Variants in PHF21A observed in about 807,000 individuals in gnomAD.
PHF21A encodes the protein PHD finger protein 21A, also known as BHC80a.
In PHF21A, 11 loss-of-function variants were observed where a neutral mutation model predicts 82.5. The ratio of observed to expected loss-of-function variants is 0.13; its 90% CI spans 0.08 to 0.22. PHF21A has a LOEUF of 0.22. PHF21A is among the 10% of genes least tolerant of loss of function. The pLI is 1.00. For synonymous variants in PHF21A, 297 were observed against 302.8 expected, an observed-to-expected ratio of 0.98 and a Z score of 0.20; for missense variants, 579 against 837.8, an observed-to-expected ratio of 0.69 and a Z score of 3.81.
chr11:45,948,669 G>A (rs2091661537), intron 14 of PHF21A, among the ~76,000 whole-genome samples: 1 of 152,212 alleles, frequency 6.6e-6, no homozygotes, highest in African/African-American at 2.4e-5. Flanking sequence ...AGTCAGCTTT[G>A]CCAGAATCCT....
intron 6 of PHF21A, among the ~76,000 whole-genome samples, chr11:45,991,239 T>C (rs1245057413): frequency 6.6e-6 from 1 of 152,008 alleles, no homozygotes; most frequent in African/African-American, 2.4e-5. Flanking sequence ...CTCAATAATA[T>C]TGCATTGTCT....
In PHF21A at chr11:46,084,298, TG is replaced by T; in HGVS notation, c.-80del. ...TAAAGTAACAAACTCCTCTTCTCAC[TG>T]CAGCTGTAAAGATCATAAAATGTTT... On this transcript the variant is annotated 5_prime_UTR_variant, in exon 4 of 19. It removes the in-frame stop codon of an upstream open reading frame in the 5' UTR. Transcript: ENST00000676320. 2.0e-6 allele frequency: 2 copies of T among 976,896 alleles called. No individual in the cohort carries two copies. The highest frequency in any genetic ancestry group is 2.7e-5 in the East Asian group (1 of 37,312). 60.5% of individuals were successfully genotyped at this position (976,896 alleles called of 1,614,324 possible).
intron 6 of PHF21A, among the ~76,000 whole-genome samples, chr11:45,997,388 T>C (rs766479863): frequency 9.9e-5 from 15 of 152,114 alleles, no homozygotes; most frequent in Non-Finnish European, 1.8e-4. Flanking sequence ...AATCCAAATA[T>C]AAAGGACATC....
intron 6 of PHF21A, among the ~76,000 whole-genome samples, chr11:46,000,868 C>T (rs1480319372): frequency 1.3e-5 from 2 of 151,940 alleles, no homozygotes; most frequent in Non-Finnish European, 2.9e-5. Context: ...TGCAGTGAGC[C>T]AAGATCGCAC....
chr11:46,112,375 C>A (rs897305980), intron 1 of PHF21A, among the ~76,000 whole-genome samples: 2 of 152,156 alleles, frequency 1.3e-5, no homozygotes, highest in Admixed American at 6.5e-5. Context: ...GCTGCTGCTG[C>A]TAATTCTAAA....
At chr11:46,075,743 C>T (rs2096717558) in intron 6 of PHF21A, among the ~76,000 whole-genome samples, 1 of 152,192 alleles carries the variant, frequency 6.6e-6, no homozygotes, top group Non-Finnish European at 1.5e-5. Context: ...TGATTCATAT[C>T]TCTTCCACAT....
rs2087766947 is a variant in PHF21A, at chr11:45,932,604, AG to A, written c.*1363del. 6.5e-6 allele frequency: 1 copy of A among 152,678 alleles called. No individual in the cohort carries two copies. Among genetic ancestry groups the A allele is most frequent in the Non-Finnish European group, 1.5e-5 (1 of 68,042 alleles). 9.5% of individuals were successfully genotyped at this position (152,678 alleles called of 1,614,324 possible). A position where few individuals can be genotyped will look rare whatever the true frequency, so the allele number is the denominator to read the frequency against. ...CTTTTTAATAGAAATCACTGTTTTT[AG>A]GAAACAAATAGCACTTTTGTAATTT... On this transcript the variant is annotated 3_prime_UTR_variant, in exon 19 of 19. Coordinates refer to ENST00000676320, the MANE Select transcript of PHF21A (RefSeq NM_001352027.3). The surrounding 1 kb of genome is among the most constrained non-coding windows in gnomAD (Gnocchi z 4.3).
intron 1 of PHF21A, among the ~76,000 whole-genome samples, chr11:46,103,355 T>G (rs1053022787): frequency 3.3e-5 from 5 of 152,240 alleles, no homozygotes; most frequent in Non-Finnish European, 7.3e-5. Context: ...AAAACTATAA[T>G]GCTTTACCTA....
chr11:45,943,377 G>A (rs913381850), intron 15 of PHF21A, among the ~76,000 whole-genome samples: 7 of 151,904 alleles, frequency 4.6e-5, no homozygotes, highest in African/African-American at 1.7e-4. Context: ...CAGGGGTCTT[G>A]CCATGTTGTC....
chr11:46,069,639 T>C (rs1002680391), intron 6 of PHF21A, among the ~76,000 whole-genome samples: 1 of 152,208 alleles, frequency 6.6e-6, no homozygotes, highest in Non-Finnish European at 1.5e-5. Context: ...AAATATTTGA[T>C]AGATAAAGGT....
At position 46,084,302 on chromosome 11, in the gene PHF21A, G is replaced by A; in HGVS notation, c.-83C>T. 1.1e-6 allele frequency: 1 copy of A among 917,252 alleles called. No homozygotes were observed. The allele number at this position is 917,252 out of a possible 1,614,324, so 56.8% of individuals were successfully genotyped here. ...GTAACAAACTCCTCTTCTCACTGCA[G>A]CTGTAAAGATCATAAAATGTTTTGG... On this transcript the variant is annotated splice_region_variant and 5_prime_UTR_variant, in exon 4 of 19. Coordinates refer to ENST00000676320, the MANE Select transcript of PHF21A (RefSeq NM_001352027.3).
At chr11:45,993,833 AGGCTCG>A (rs2094804803) in intron 6 of PHF21A, among the ~76,000 whole-genome samples, 1 of 151,854 alleles carries the variant, frequency 6.6e-6, no homozygotes, top group Admixed American at 6.6e-5. Flanking sequence ...GTCAGAGATG[AGGCTCG>A]GGCAGCTGGC....
chr11:45,968,101 T>G (rs1336353475), intron 9 of PHF21A, among the ~76,000 whole-genome samples: 2 of 152,220 alleles, frequency 1.3e-5, no homozygotes, highest in Admixed American at 6.5e-5. Flanking sequence ...ATACTCCATG[T>G]AAAGTGCCTA....
chr11:46,021,299 C>T (rs999031780), intron 6 of PHF21A, among the ~76,000 whole-genome samples: 3 of 152,058 alleles, frequency 2.0e-5, no homozygotes, highest in African/African-American at 7.2e-5. Context: ...TGGTCTCAAG[C>T]GATCCTCCTG....
chr11:45,948,800 A>G, intron 14 of PHF21A, 86 bp downstream of exon 14: 3 of 922,866 alleles, frequency 3.3e-6, no homozygotes, highest in Middle Eastern at 2.1e-4. Context: ...GTTAGGTCCT[A>G]TAATGATGGG....
In PHF21A at chr11:46,076,746, T is replaced by TC. The variant is rs2096730993; in HGVS notation, c.153+7dup. 1.2e-6 allele frequency: 2 copies of TC among 1,608,338 alleles called. No homozygotes were observed. Among genetic ancestry groups the TC allele is most frequent in the African/African-American group, 1.3e-5 (1 of 74,868 alleles). On this transcript the variant is annotated splice_region_variant and intron_variant, in intron 6 of 18. Coordinates refer to ENST00000676320, the MANE Select transcript of PHF21A (RefSeq NM_001352027.3). ...TTAAAAATATGCCCCCCTCCCCTTT[T>TC]CCCCTACCTGTTTCTCACTCAAAGC...
At chr11:46,052,102 T>C (rs534836319) in intron 6 of PHF21A, among the ~76,000 whole-genome samples, 22 of 152,188 alleles carry the variant, frequency 1.4e-4, no homozygotes, top group African/African-American at 4.8e-4. Flanking sequence ...TCCAGTTCCC[T>C]GGCCACAAAA....
At chr11:46,042,707 GC>G (rs1406894251) in intron 6 of PHF21A, among the ~76,000 whole-genome samples, 1 of 151,974 alleles carries the variant, frequency 6.6e-6, no homozygotes. Context: ...GGTCACGAGG[GC>G]CCTCCTTCAC....
At chr11:46,098,291 G>T (rs936666052) in intron 1 of PHF21A, among the ~76,000 whole-genome samples, 8 of 152,208 alleles carry the variant, frequency 5.3e-5, no homozygotes, top group Non-Finnish European at 1.0e-4. Flanking sequence ...ACCAGTGGTT[G>T]TAGTGTCTAA....
Sources: gnomAD v4.1 joint callset for allele counts (sites outside exome capture counted in the v4.1 genomes callset) on GRCh38, gnomAD v4.1.1 for gene constraint, Gnocchi (gnomAD v3.1) non-coding constraint, MANE v1.5 for transcripts, NCBI Gene and HGNC (gene_info 2026-07-23, HGNC 2026-07-21) for gene names.